DYM: variants seen among roughly 807,000 people sequenced by gnomAD.
DYM encodes dyggve-Melchior-Clausen syndrome protein.
A neutral mutation model predicts 93.1 loss-of-function variants in DYM; 78 were observed. The ratio of observed to expected loss-of-function variants is 0.84; its 90% CI spans 0.70 to 1.01. The LOEUF (loss-of-function observed/expected upper bound fraction) is 1.01. Among genes scored for constraint, DYM ranks in the 50% least tolerant of loss-of-function variants. DYM has a pLI of 0.00. For synonymous variants in DYM, 321 were observed against 319.7 expected (o/e 1.00, Z -0.04); for missense variants, 789 against 845.0 (o/e 0.93, Z 0.82).
intron 14 of DYM, among the ~76,000 whole-genome samples, chr18:49,206,219 C>T (rs1454774960): frequency 6.6e-6 from 1 of 151,918 alleles, no homozygotes; most frequent in Non-Finnish European, 1.5e-5. Flanking sequence ...AGGATGGTCT[C>T]GATCTCCTGA....
intron 11 of DYM, 76 bp downstream of exon 11, chr18:49,272,102 T>TA (rs1287012646): frequency 7.5e-6 from 10 of 1,340,038 alleles, no homozygotes; most frequent in South Asian, 1.2e-5. Context: ...GAAAGAAATG[T>TA]AAAGACTAGT....
intron 17 of DYM, among the ~76,000 whole-genome samples, chr18:49,049,231 C>A (rs1030280645): frequency 6.6e-6 from 1 of 152,104 alleles, no homozygotes; most frequent in Non-Finnish European, 1.5e-5. Context: ...AAAGAATTTA[C>A]ATATAGTTAC....
At chr18:49,132,340 A>C (rs1040455869) in intron 15 of DYM, among the ~76,000 whole-genome samples, 12 of 152,152 alleles carry the variant, frequency 7.9e-5, no homozygotes, top group African/African-American at 2.9e-4. Context: ...TTCATAATAA[A>C]ATTTTTTACA....
At chr18:49,433,112 T>C (rs373075851) in intron 1 of DYM, among the ~76,000 whole-genome samples, 1 of 152,070 alleles carries the variant, frequency 6.6e-6, no homozygotes, top group East Asian at 1.9e-4. Context: ...GGCAGTGGTA[T>C]AGAGAATCAC....
At chr18:49,405,173 A>G (rs2071333439) in intron 2 of DYM, among the ~76,000 whole-genome samples, 1 of 151,978 alleles carries the variant, frequency 6.6e-6, no homozygotes, top group Admixed American at 6.6e-5. Flanking sequence ...GTTTGCAAAT[A>G]TTTTCTCCCA....
intron 3 of DYM, among the ~76,000 whole-genome samples, chr18:49,388,646 A>G (rs2068867091): frequency 6.8e-6 from 1 of 147,540 alleles, no homozygotes; most frequent in Non-Finnish European, 1.5e-5. Flanking sequence ...AAACAAAGAA[A>G]ACCTCTCCTC....
At chr18:49,237,272 T>A (rs1568076787) in intron 13 of DYM, among the ~76,000 whole-genome samples, 2 of 152,186 alleles carry the variant, frequency 1.3e-5, no homozygotes, top group Non-Finnish European at 2.9e-5. Context: ...TTTGTATGTG[T>A]CTAGACATGC....
At chr18:49,274,247 C>G (rs1033566674) in intron 10 of DYM, among the ~76,000 whole-genome samples, 4 of 152,062 alleles carry the variant, frequency 2.6e-5, no homozygotes. Flanking sequence ...TAGAATCATA[C>G]ACTACGTAGA....
At chr18:49,436,513 T>C (rs566296795) in intron 1 of DYM, among the ~76,000 whole-genome samples, 10 of 152,216 alleles carry the variant, frequency 6.6e-5, no homozygotes, top group Non-Finnish European at 1.2e-4. Flanking sequence ...AAATTATTTT[T>C]ATTTGTCCAA....
chr18:49,292,527 T>C (rs2060205689), intron 8 of DYM, among the ~76,000 whole-genome samples: 2 of 149,138 alleles, frequency 1.3e-5, no homozygotes, highest in African/African-American at 2.5e-5. Flanking sequence ...AGTTCCTTTC[T>C]CTTTGCTGGT....
intron 14 of DYM, among the ~76,000 whole-genome samples, chr18:49,181,497 T>C (rs2089919990): frequency 6.6e-6 from 1 of 152,138 alleles, no homozygotes; most frequent in South Asian, 2.1e-4. Context: ...TTTTTAATTT[T>C]GAATTCCTGC....
intron 10 of DYM, among the ~76,000 whole-genome samples, chr18:49,276,467 C>T (rs1239134184): frequency 1.3e-5 from 2 of 151,890 alleles, no homozygotes; most frequent in Non-Finnish European, 2.9e-5. Context: ...CACTTTAATT[C>T]TGAAAGAACT....
chr18:49,301,797 T>C (rs901846609), intron 8 of DYM, among the ~76,000 whole-genome samples: 4 of 152,202 alleles, frequency 2.6e-5, no homozygotes, highest in African/African-American at 9.6e-5. Flanking sequence ...GCAGTATGCA[T>C]AATCCAGCCT....
intron 13 of DYM, among the ~76,000 whole-genome samples, chr18:49,236,455 GGGCGA>G (rs1568074988): frequency 6.0e-5 from 9 of 150,326 alleles, no homozygotes. Flanking sequence ...ACTCCAGCCT[GGGCGA>G]CAGAGCGAGA....
At chr18:49,113,888 T>C (rs2081663287) in intron 16 of DYM, among the ~76,000 whole-genome samples, 1 of 152,220 alleles carries the variant, frequency 6.6e-6, no homozygotes, top group African/African-American at 2.4e-5. Context: ...CAAAAAGTTG[T>C]TGGAAAACCT....
At chr18:49,282,316 T>C (rs1599103623) in intron 9 of DYM, 141 bp from the exon 10 acceptor site, 1 of 961,816 alleles carries the variant, frequency 1.0e-6, no homozygotes, top group South Asian at 1.5e-5. Context: ...TTTTAATTTA[T>C]GTAAAATTTA....
chr18:49,133,072 T>A (rs2083518482), intron 15 of DYM, among the ~76,000 whole-genome samples: 1 of 152,234 alleles, frequency 6.6e-6, no homozygotes, highest in Non-Finnish European at 1.5e-5. Context: ...CATTTGTTTT[T>A]GTTATAAAAA....
Position 49,363,523 on chromosome 18 carries a change from C to T in DYM, c.422-290G>A, listed in dbSNP as rs58434021. ...TAGTTGTCAGATTTCTTATACTGCA[C>T]TGTGTTTCTTTCAATGAAATCTTAC... On this transcript the variant is annotated intron_variant, in intron 5 of 17. Coordinates refer to ENST00000675505, the MANE Select transcript of DYM (RefSeq NM_001353214.3). Among the ~76,000 whole-genome samples the T allele has an allele frequency of 0.04, 6,028 of 152,288 alleles. 205 individuals carry two copies. Among genetic ancestry groups the T allele is most frequent in the South Asian group, 0.081 (390 of 4,830 alleles).
chr18:49,234,510 CT>C (rs1238904593), intron 13 of DYM, among the ~76,000 whole-genome samples: 4 of 152,096 alleles, frequency 2.6e-5, no homozygotes, highest in Admixed American at 6.5e-5. Context: ...GCCTCCTCCC[CT>C]ATCCTGTGGC....
Sources: gnomAD v4.1 joint callset for allele counts (sites outside exome capture counted in the v4.1 genomes callset) on GRCh38, gnomAD v4.1.1 for gene constraint, MANE v1.5 for transcripts, NCBI Gene and HGNC (gene_info 2026-07-23, HGNC 2026-07-21) for gene names.